EVI5: variants seen among roughly 807,000 people sequenced by gnomAD.
The protein encoded by EVI5 is ecotropic viral integration site 5, also known as ecotropic viral integration site 5 protein homolog.
A neutral mutation model predicts 112.0 loss-of-function variants in EVI5; 73 were observed. The ratio of observed to expected loss-of-function variants is 0.65; its 90% CI spans 0.54 to 0.79. EVI5 has a LOEUF of 0.79. Among genes scored for constraint, EVI5 ranks in the 30% least tolerant of loss-of-function variants. EVI5 has a pLI of 0.00. For missense variants in EVI5, 900 were observed against 968.8 expected, an observed-to-expected ratio of 0.93 and a Z score of 0.94; for synonymous variants, 305 against 319.9, an observed-to-expected ratio of 0.95 and a Z score of 0.50.
At chr1:92,716,018 A>C (rs996007227) in intron 2 of EVI5, among the ~76,000 whole-genome samples, 2 of 152,126 alleles carry the variant, frequency 1.3e-5, no homozygotes, top group Admixed American at 1.3e-4. Context: ...TATAAACTCC[A>C]CCTCTGGGGG....
At position 92,694,335 on chromosome 1, in the gene EVI5, T is replaced by C. The variant is rs1669979148; in HGVS notation, c.963A>G (p.Ala321=). The C allele has an allele frequency of 4.4e-6, 7 of 1,606,032 alleles. No homozygotes were observed. Among genetic ancestry groups the C allele is most frequent in the South Asian group, 2.2e-5 (2 of 90,544 alleles). ...CTTCCATGTCAAGTTGCATCAGTTC[T>C]GCCTGATTCATCTGAAGAAGTGCTA... The part of the protein sequence containing the change: ...VGLALLQMNQ[A]ELMQLDMEGM... The change falls in exon 8 of 20, where the codon GCA becomes GCG. Residue 321 remains alanine (A), a synonymous_variant. Transcript: ENST00000684568.
chr1:92,660,412 G>C (rs553310927), intron 13 of EVI5, among the ~76,000 whole-genome samples: 66 of 152,112 alleles, frequency 4.3e-4, no homozygotes, highest in Non-Finnish European at 8.1e-4. Flanking sequence ...GTGGTTACTA[G>C]AGACTAGGGA....
rs71586755 is a variant in EVI5, at chr1:92,565,948, CAA to C, written c.2071-2213_2071-2212del. Among the ~76,000 whole-genome samples the C allele has an allele frequency of 8.9e-3, 460 of 51,864 alleles. 17 individuals are homozygous for C. The highest frequency in any genetic ancestry group is 0.042 in the African/African-American group (425 of 10,130). The allele number at this position is 51,864 out of a possible 152,430, so 34.0% of individuals were successfully genotyped here. A position where few individuals can be genotyped will look rare whatever the true frequency, so the allele number is the denominator to read the frequency against. On this transcript the variant is annotated intron_variant, in intron 18 of 19. Transcript: ENST00000684568. ...TTGCGCCACTGCATTCCAGCCCGAGCAAAAAAAAAAAAAAAAAAAAGAAATGT... is the reference window on the plus strand; with the variant it reads ...TTGCGCCACTGCATTCCAGCCCGAGCAAAAAAAAAAAAAAAAAAGAAATGT...
intron 1 of EVI5, among the ~76,000 whole-genome samples, chr1:92,764,282 T>A (rs998748382): frequency 2.0e-5 from 3 of 152,214 alleles, no homozygotes; most frequent in African/African-American, 7.2e-5. Flanking sequence ...GTTCAAAACA[T>A]CTGAGTACAG....
At chr1:92,568,258 C>T (rs553768009) in intron 18 of EVI5, among the ~76,000 whole-genome samples, 62 of 151,490 alleles carry the variant, frequency 4.1e-4, no homozygotes, top group African/African-American at 1.5e-3. Context: ...CACCTGTGGT[C>T]CCAGCTACCA....
intron 19 of EVI5, among the ~76,000 whole-genome samples, chr1:92,555,052 G>C (rs1223154626): frequency 1.3e-5 from 2 of 152,170 alleles, no homozygotes; most frequent in East Asian, 3.8e-4. Context: ...TTAAAAAGCA[G>C]TGTATGCATT....
chr1:92,636,445 TAGG>T (rs1658851748), intron 13 of EVI5, 109 bp from the exon 14 acceptor site: 1 of 851,244 alleles, frequency 1.2e-6, no homozygotes, highest in Non-Finnish European at 1.8e-6. Context: ...GGCAACTAAA[TAGG>T]AGAAGTTCCA....
At chr1:92,719,424 A>G (rs181881015) in intron 2 of EVI5, among the ~76,000 whole-genome samples, 1 of 151,906 alleles carries the variant, frequency 6.6e-6, no homozygotes, top group African/African-American at 2.4e-5. Context: ...TCCATCACAT[A>G]AACAGAACCA....
chr1:92,528,866 G>A (rs1233845873), intron 19 of EVI5, among the ~76,000 whole-genome samples: 1 of 152,030 alleles, frequency 6.6e-6, no homozygotes, highest in African/African-American at 2.4e-5. Context: ...AAATTAAATG[G>A]GCATGCTCAT....
At chr1:92,534,958 A>G (rs975105894) in intron 19 of EVI5, among the ~76,000 whole-genome samples, 5 of 152,208 alleles carry the variant, frequency 3.3e-5, no homozygotes, top group African/African-American at 1.2e-4. Flanking sequence ...CTGCACAGCA[A>G]AAGAAACTAT....
chr1:92,647,401 T>G (rs1343519498), intron 13 of EVI5: 1 of 282,652 alleles, frequency 3.5e-6, no homozygotes, highest in Non-Finnish European at 7.1e-6. Flanking sequence ...CTTGCCTCAC[T>G]TAACTGGTTC....
intron 14 of EVI5, among the ~76,000 whole-genome samples, chr1:92,635,458 G>C (rs1334659543): frequency 6.6e-6 from 1 of 152,192 alleles, no homozygotes; most frequent in Non-Finnish European, 1.5e-5. Context: ...GAGGCTCTGT[G>C]AGCGTAGGAC....
chr1:92,560,263 CACAA>C (rs375722769), intron 19 of EVI5, among the ~76,000 whole-genome samples: 2 of 152,146 alleles, frequency 1.3e-5, no homozygotes, highest in Non-Finnish European at 2.9e-5. Flanking sequence ...AGTAAAATCT[CACAA>C]ACAATGTTGA....
chr1:92,784,195 C>G, intron 1 of EVI5: 1 of 510,214 alleles, frequency 2.0e-6, no homozygotes. Context: ...GACAGACAGA[C>G]ACAGGGAAAT....
chr1:92,652,613 C>T (rs1351725045), intron 13 of EVI5, among the ~76,000 whole-genome samples: 1 of 152,162 alleles, frequency 6.6e-6, no homozygotes, highest in African/African-American at 2.4e-5. Flanking sequence ...ACACTACTCA[C>T]AAAAGCTAAG....
In EVI5 at chr1:92,648,539, C is replaced by A. The variant is rs145685358; in HGVS notation, c.1393-12203G>T. On this transcript the variant is annotated intron_variant, in intron 13 of 19. Transcript: ENST00000684568. Reference sequence around the variant, plus strand: ...CTATTAAGCAGTTTCTTATCTTTCCCCCATCACCACCTTCTGGAAACCACT... The same window carrying A: ...CTATTAAGCAGTTTCTTATCTTTCCACCATCACCACCTTCTGGAAACCACT... 6.7e-3 allele frequency among the ~76,000 whole-genome samples: 1,021 copies of A among 152,132 alleles called. 10 individuals are homozygous for A. Among genetic ancestry groups the A allele is most frequent in the African/African-American group, 0.023 (939 of 41,510 alleles).
At chr1:92,753,303 T>C (rs1267655028) in intron 1 of EVI5, among the ~76,000 whole-genome samples, 2 of 152,162 alleles carry the variant, frequency 1.3e-5, no homozygotes, top group African/African-American at 4.8e-5. Context: ...TAGCCTAGGC[T>C]ACACAGTGAG....
intron 5 of EVI5, among the ~76,000 whole-genome samples, chr1:92,699,426 CCTCT>C (rs1670792486): frequency 6.6e-6 from 1 of 152,130 alleles, no homozygotes; most frequent in Non-Finnish European, 1.5e-5. Flanking sequence ...TCCAAATGTT[CCTCT>C]CTTTCTTTAG....
intron 1 of EVI5, among the ~76,000 whole-genome samples, chr1:92,759,674 C>T (rs1019258043): frequency 9.9e-5 from 15 of 152,120 alleles, no homozygotes; most frequent in African/African-American, 2.9e-4. Flanking sequence ...ATGAATTTGC[C>T]TATTCTATAT....
Sources: gnomAD v4.1 joint callset for allele counts (sites outside exome capture counted in the v4.1 genomes callset) on GRCh38, gnomAD v4.1.1 for gene constraint, MANE v1.5 for transcripts, NCBI Gene and HGNC (gene_info 2026-07-23, HGNC 2026-07-21) for gene names.